Variants in BRPF1 observed in about 807,000 individuals in gnomAD.
BRPF1 encodes bromodomain and PHD finger containing 1.
In BRPF1, 15 loss-of-function variants were observed where a neutral mutation model predicts 115.0. The observed-to-expected ratio is 0.13, with a 90% confidence interval of 0.09 to 0.20. The LOEUF is 0.20. Ranked by LOEUF, BRPF1 falls within the 10% of genes least tolerant of loss-of-function variation. The probability of loss-of-function intolerance (pLI) is 1.00; values close to 1 mark genes in which losing one functional copy is unlikely to be tolerated. For missense variants in BRPF1, 1,118 were observed against 1,638.3 expected, an observed-to-expected ratio of 0.68 and a Z score of 5.48; for synonymous variants, 647 against 619.8, an observed-to-expected ratio of 1.04 and a Z score of -0.65.
chr3:9,740,706 T>G, intron 3 of BRPF1, 73 bp from the exon 4 acceptor site: 1 of 1,562,096 alleles, frequency 6.4e-7, no homozygotes, highest in South Asian at 1.1e-5. Flanking sequence ...GAACTTTCAC[T>G]GGCCAGAGAC....
Position 9,747,078 on chromosome 3 carries a change from T to G in BRPF1, c.3480-88T>G, listed in dbSNP as rs1318462943. 6 of 1,462,744 alleles carry G rather than the reference T, an allele frequency of 4.1e-6. No homozygotes were observed. Among genetic ancestry groups the G allele is most frequent in the Non-Finnish European group, 5.7e-6 (6 of 1,057,514 alleles). The allele number at this position is 1,462,744 out of a possible 1,614,324, so 90.6% of individuals were successfully genotyped here. ...CACAGAGTCTGGCCAGAGTGGGTGC[T>G]TGGGTGGTGTGTTTGAGTGAATAGA... On this transcript the variant is annotated intron_variant, in intron 13 of 13. Transcript: ENST00000383829. The surrounding 1 kb of genome is among the most constrained non-coding windows in gnomAD (Gnocchi z 5.6).
At position 9,744,384 on chromosome 3, in the gene BRPF1, T is replaced by C; in HGVS notation, c.2796T>C (p.Ser932=). Residue 932 remains serine (S), a synonymous_variant, in exon 9 of 14, where the codon AGT becomes AGC. Transcript: ENST00000383829. The part of the protein sequence containing the change: ...ESQMTPSHGG[S]PVGPPQLPIM... Reference sequence around the variant, plus strand: ...AGATGACCCCCAGCCACGGAGGCAGTCCTGTGGGGCCCCCCCAGCTCCCCA... The same window carrying C: ...AGATGACCCCCAGCCACGGAGGCAGCCCTGTGGGGCCCCCCCAGCTCCCCA... 1 of 1,612,346 alleles carries C rather than the reference T, an allele frequency of 6.2e-7. No homozygotes were observed. Among genetic ancestry groups the C allele is most frequent in the Non-Finnish European group, 8.5e-7 (1 of 1,179,306 alleles).
chr3:9,733,826 C>T (rs1015548992), intron 1 of BRPF1, among the ~76,000 whole-genome samples: 5 of 152,262 alleles, frequency 3.3e-5, no homozygotes, highest in African/African-American at 1.2e-4. Flanking sequence ...GAACTGGGAG[C>T]ATCAGGAGGC....
At chr3:9,737,291 C>G (rs993475316) in intron 2 of BRPF1, among the ~76,000 whole-genome samples, 2 of 152,186 alleles carry the variant, frequency 1.3e-5, no homozygotes, top group Non-Finnish European at 2.9e-5. Flanking sequence ...GAGTTAGACA[C>G]ATACACAGCT....
chr3:9,734,748 A>T lies in BRPF1; in HGVS notation c.599+9A>T. 6.2e-7 allele frequency: 1 copy of T among 1,612,944 alleles called. No homozygotes were observed. Among genetic ancestry groups the T allele is most frequent in the Non-Finnish European group, 8.5e-7 (1 of 1,179,110 alleles). On this transcript the variant is annotated intron_variant, in intron 2 of 13. Coordinates refer to ENST00000383829, the MANE Select transcript of BRPF1 (RefSeq NM_001003694.2). The surrounding 1 kb of genome is among the most constrained non-coding windows in gnomAD (Gnocchi z 5.7). ...CCAACTTCCTATTACCGGTAAGGCCACCTCTACCTTGCAGCTCTGGAAAAC... is the reference window on the plus strand; with the variant it reads ...CCAACTTCCTATTACCGGTAAGGCCTCCTCTACCTTGCAGCTCTGGAAAAC...
intron 8 of BRPF1, 106 bp from the exon 9 acceptor site, chr3:9,744,118 C>T (rs974817517): frequency 1.7e-5 from 24 of 1,383,474 alleles, no homozygotes; most frequent in East Asian, 4.7e-5. Context: ...ATCTCCCCAA[C>T]GTTAGCTGGA....
intron 13 of BRPF1, 59 bp downstream of exon 13, chr3:9,746,513 G>T: frequency 6.9e-7 from 1 of 1,448,402 alleles, no homozygotes. Flanking sequence ...GTGTGGTATG[G>T]GGGCAGACTG....
intron 3 of BRPF1, among the ~76,000 whole-genome samples, 198 bp from the exon 4 acceptor site, chr3:9,740,581 G>C (rs866496393): frequency 1.3e-5 from 2 of 152,238 alleles, no homozygotes; most frequent in Middle Eastern, 3.4e-3. Flanking sequence ...AGTGCTGGGA[G>C]CTTGGTTTCC....
At chr3:9,746,176 T>C (rs2077122307) in intron 12 of BRPF1, 124 bp from the exon 13 acceptor site, 2 of 1,270,390 alleles carry the variant, frequency 1.6e-6, no homozygotes, top group African/African-American at 1.5e-5. Flanking sequence ...AGGGTCAGCA[T>C]TGCAGTTCTA....
Position 9,743,984 on chromosome 3 carries a change from G to C in BRPF1, c.2635+83G>C. On this transcript the variant is annotated intron_variant, in intron 8 of 13. Coordinates refer to ENST00000383829, the MANE Select transcript of BRPF1 (RefSeq NM_001003694.2). The surrounding 1 kb of genome is among the most constrained non-coding windows in gnomAD (Gnocchi z 6.1). ...CACACTCAACCCCTGCCATTCCCCA[G>C]GCAGAGGTCCCTCCTACACAGCTAG... 6.9e-7 allele frequency: 1 copy of C among 1,456,600 alleles called. No individual in the cohort carries two copies. 90.2% of individuals were successfully genotyped at this position (1,456,600 alleles called of 1,614,324 possible).
chr3:9,738,240 G>A (rs1219089963), intron 2 of BRPF1, among the ~76,000 whole-genome samples: 1 of 152,102 alleles, frequency 6.6e-6, no homozygotes, highest in Non-Finnish European at 1.5e-5. Context: ...CCACTCCCTT[G>A]TTATGTGACC....
Position 9,739,820 on chromosome 3 carries a change from A to G in BRPF1, c.1421A>G (p.Glu474Gly), listed in dbSNP as rs1333251762. The G allele has an allele frequency of 6.2e-7, 1 of 1,607,532 alleles. No homozygotes were observed. The highest frequency in any genetic ancestry group is 8.5e-7 in the Non-Finnish European group (1 of 1,176,822). Residue 474 changes from glutamate to glycine, a missense_variant, in exon 3 of 14, where the codon GAG (glutamate) becomes GGG (glycine). Around this residue, in one of 10 missense-constraint regions of BRPF1, gnomAD observed 87 missense variants for 93.4 expected, o/e 0.93. Coordinates refer to ENST00000383829, the MANE Select transcript of BRPF1 (RefSeq NM_001003694.2). ...GAGGATGAAGATGAGGAGGAGGATG[A>G]GGGTAAGGGCTGGAGCTCAGAGAAA... is the stretch of plus-strand genomic sequence containing the variant. ...GEEDEDEEEDEGKGWSSEKVK... is the reference protein window; with the variant it reads ...GEEDEDEEEDGGKGWSSEKVK...
intron 9 of BRPF1, 141 bp downstream of exon 9, chr3:9,744,649 A>G (rs2077091734): frequency 1.5e-6 from 1 of 678,752 alleles, no homozygotes; most frequent in African/African-American, 1.8e-5. Flanking sequence ...CCACTCACTC[A>G]TCTTACAGTT....
Position 9,743,106 on chromosome 3 carries a change from C to G in BRPF1, c.2164C>G (p.Arg722Gly), listed in dbSNP as rs928739492. The change falls in exon 7 of 14, where the codon CGG becomes GGG. Residue 722 changes from arginine to glycine, a missense_variant. This residue lies in a region of BRPF1 where 223 missense variants were observed against 240.7 expected (regional missense o/e 0.93). Coordinates refer to ENST00000383829, the MANE Select transcript of BRPF1 (RefSeq NM_001003694.2). This position sits in a 1 kb window ranked among gnomAD's most constrained non-coding sequence, Gnocchi z 6.1. ...KYNAKDTIFY[R>G]AAVRLREQGG... is the part of the protein sequence containing the mutation. ...TAACGCCAAGGACACCATCTTCTACCGGGCAGCAGTGCGGCTTCGTGAGCA... is the reference window on the plus strand; with the variant it reads ...TAACGCCAAGGACACCATCTTCTACGGGGCAGCAGTGCGGCTTCGTGAGCA... The G allele has an allele frequency of 6.2e-7, 1 of 1,614,248 alleles. No individual in the cohort carries two copies. The highest frequency in any genetic ancestry group is 1.7e-5 in the Admixed American group (1 of 60,016).
At chr3:9,737,006 A>G (rs974865076) in intron 2 of BRPF1, among the ~76,000 whole-genome samples, 5 of 152,182 alleles carry the variant, frequency 3.3e-5, no homozygotes, top group Non-Finnish European at 7.3e-5. Context: ...GGCAGAGAAA[A>G]GGGTGAGAAT....
intron 6 of BRPF1, among the ~76,000 whole-genome samples, 178 bp from the exon 7 acceptor site, chr3:9,742,766 T>G (rs374518781): frequency 4.6e-4 from 70 of 152,288 alleles, no homozygotes; most frequent in African/African-American, 9.1e-4. Context: ...GTCACACAGC[T>G]TGTGACTGGT....
At position 9,743,867 on chromosome 3, in the gene BRPF1, G is replaced by A. The variant is rs146774084; in HGVS notation, c.2601G>A (p.Ala867=). 652 of 1,594,200 alleles carry A rather than the reference G, an allele frequency of 4.1e-4. 2 individuals are homozygous for A. Among genetic ancestry groups the A allele is most frequent in the Non-Finnish European group, 5.2e-4 (605 of 1,166,360 alleles). ...ACAAGGATGGGCAGACAGATAGTGCGGCAGAGGAGAGCAGCAGCCAGGAGA... is the reference window on the plus strand; with the variant it reads ...ACAAGGATGGGCAGACAGATAGTGCAGCAGAGGAGAGCAGCAGCCAGGAGA... ...ACDKDGQTDS[A]AEESSSQETS... is the part of the protein sequence containing the mutation. The change falls in exon 8 of 14, where the codon GCG becomes GCA. Residue 867 remains alanine, a synonymous_variant. Coordinates refer to ENST00000383829, the MANE Select transcript of BRPF1 (RefSeq NM_001003694.2). The surrounding 1 kb of genome is among the most constrained non-coding windows in gnomAD (Gnocchi z 6.1).
chr3:9,742,867 G>A (rs942238243), intron 6 of BRPF1, 77 bp from the exon 7 acceptor site: 4 of 1,481,362 alleles, frequency 2.7e-6, no homozygotes, highest in South Asian at 2.6e-5. Context: ...TGTGTTTCAG[G>A]GGGGCTTGTT....
chr3:9,735,196 A>G (rs553886236), intron 2 of BRPF1, among the ~76,000 whole-genome samples: 27 of 152,026 alleles, frequency 1.8e-4, no homozygotes, highest in African/African-American at 6.3e-4. Flanking sequence ...AATTTTTTGT[A>G]GAGATGGGGT....
Sources: gnomAD v4.1 joint callset for allele counts (sites outside exome capture counted in the v4.1 genomes callset) on GRCh38, gnomAD v4.1.1 for gene constraint, gnomAD v4.1.1 regional missense constraint, Gnocchi (gnomAD v3.1) non-coding constraint, MANE v1.5 for transcripts, NCBI Gene and HGNC (gene_info 2026-07-23, HGNC 2026-07-21) for gene names.